The following SDK1 variants were observed in gnomAD, a reference collection of about 807,000 sequenced individuals.
SDK1 encodes the protein sidekick cell adhesion molecule 1.
In SDK1, 157 loss-of-function variants were observed where a neutral mutation model predicts 245.5. That is an observed-to-expected ratio of 0.64 (90% CI 0.56 to 0.73). The LOEUF (loss-of-function observed/expected upper bound fraction) is 0.73. SDK1 is among the 30% of genes least tolerant of loss of function. SDK1 has a pLI of 0.00. For missense variants in SDK1, 3,583 were observed against 3,002.3 expected, an observed-to-expected ratio of 1.19 and a Z score of -4.52; for synonymous variants, 1,647 against 1,278.5, an observed-to-expected ratio of 1.29 and a Z score of -6.15.
At chr7:3,663,403 G>A (rs1170423543) in intron 4 of SDK1, among the ~76,000 whole-genome samples, 1 of 152,174 alleles carries the variant, frequency 6.6e-6, no homozygotes, top group African/African-American at 2.4e-5. Context: ...AAATATATAG[G>A]GAAGTGGGAT....
At chr7:3,519,131 A>C (rs985734278) in intron 1 of SDK1, among the ~76,000 whole-genome samples, 1 of 152,122 alleles carries the variant, frequency 6.6e-6, no homozygotes, top group Admixed American at 6.6e-5. Context: ...AACAGAGAAT[A>C]GGAGGGTTGA....
chr7:3,824,586 C>G (rs1161728858), intron 5 of SDK1, among the ~76,000 whole-genome samples: 1 of 152,142 alleles, frequency 6.6e-6, no homozygotes, highest in Non-Finnish European at 1.5e-5. Context: ...GGAGCGGCAA[C>G]CAGGTCTAGC....
In SDK1 at chr7:4,077,047, G is replaced by A. The variant is rs189566875; in HGVS notation, c.3060G>A (p.Thr1020=). ...EVYGRNDSRL[T]HTLNSTTHEY... The stretch of plus-strand genomic sequence containing the variant: ...ACGGCAGGAACGACTCTCGTCTCAC[G>A]CACACCCTGAACAGCACGACGCACG... Residue 1020 remains threonine, a synonymous_variant, in exon 21 of 45, where the codon ACG becomes ACA. Coordinates refer to ENST00000404826, the MANE Select transcript of SDK1 (RefSeq NM_152744.4). 64 of 1,614,090 alleles carry A rather than the reference G, an allele frequency of 4.0e-5. No individual in the cohort carries two copies. The highest frequency in any genetic ancestry group is 3.3e-4 in the East Asian group (15 of 44,874).
At chr7:3,464,876 G>T (rs1305379515) in intron 1 of SDK1, among the ~76,000 whole-genome samples, 1 of 152,038 alleles carries the variant, frequency 6.6e-6, no homozygotes, top group African/African-American at 2.4e-5. Context: ...TGTTAAATTT[G>T]TCCTTGGGAA....
intron 1 of SDK1, among the ~76,000 whole-genome samples, chr7:3,473,201 G>A (rs2128599154): frequency 6.6e-6 from 1 of 152,280 alleles, no homozygotes; most frequent in South Asian, 2.1e-4. Context: ...ATTTACAAGA[G>A]TAAATGGAGC....
chr7:3,983,014 G>C (rs1003237112), intron 13 of SDK1, among the ~76,000 whole-genome samples: 1 of 152,128 alleles, frequency 6.6e-6, no homozygotes, highest in African/African-American at 2.4e-5. Flanking sequence ...TAGAATTAGA[G>C]GTGGATCCTG....
At chr7:3,315,837 G>A (rs1317946386) in intron 1 of SDK1, among the ~76,000 whole-genome samples, 2 of 152,144 alleles carry the variant, frequency 1.3e-5, no homozygotes, top group African/African-American at 4.8e-5. Flanking sequence ...TTGTTTGTTT[G>A]TTTCCTATTT....
chr7:3,689,636 G>A (rs1235316082), intron 4 of SDK1, among the ~76,000 whole-genome samples: 1 of 152,184 alleles, frequency 6.6e-6, no homozygotes, highest in African/African-American at 2.4e-5. Flanking sequence ...GTGAAATTTT[G>A]AACAAATTAT....
intron 1 of SDK1, among the ~76,000 whole-genome samples, chr7:3,303,837 C>A (rs1414474847): frequency 1.3e-5 from 2 of 152,196 alleles, no homozygotes; most frequent in East Asian, 3.9e-4. Flanking sequence ...AATGAAAATT[C>A]TGGTGCTGTT....
chr7:4,222,008 G>A (rs1785176368), intron 40 of SDK1, among the ~76,000 whole-genome samples: 2 of 152,162 alleles, frequency 1.3e-5, no homozygotes, highest in South Asian at 2.1e-4. Context: ...GCACGGAACA[G>A]CTCCAATATG....
intron 4 of SDK1, among the ~76,000 whole-genome samples, chr7:3,795,106 A>G (rs1172503090): frequency 2.6e-5 from 4 of 152,148 alleles, no homozygotes; most frequent in African/African-American, 7.2e-5. Context: ...AGCCTCAGTG[A>G]GGGCAAGTAG....
intron 4 of SDK1, among the ~76,000 whole-genome samples, chr7:3,671,681 A>G (rs750821): frequency 0.37 from 55,980 of 152,058 alleles, 11,309 homozygotes; most frequent in African/African-American, 0.53. Context: ...AACACTTTTC[A>G]TTGTAGATGT....
chr7:3,762,508 C>G (rs1431891098), intron 4 of SDK1, among the ~76,000 whole-genome samples: 1 of 152,244 alleles, frequency 6.6e-6, no homozygotes, highest in Non-Finnish European at 1.5e-5. Flanking sequence ...TTCACCGATA[C>G]TTGCTGCAAA....
chr7:4,004,677 G>C (rs921822296), intron 14 of SDK1, among the ~76,000 whole-genome samples: 1 of 152,116 alleles, frequency 6.6e-6, no homozygotes, highest in African/African-American at 2.4e-5. Flanking sequence ...CCTTTTGCTA[G>C]AGTGTTTTAA....
intron 17 of SDK1, among the ~76,000 whole-genome samples, chr7:4,032,786 T>TA (rs2128159241): frequency 6.6e-6 from 1 of 152,154 alleles, no homozygotes; most frequent in South Asian, 2.1e-4. Context: ...AGCAAACACA[T>TA]ACGAAGAAAA....
chr7:4,123,940 C>A (rs1193878085), intron 25 of SDK1, among the ~76,000 whole-genome samples: 2 of 152,240 alleles, frequency 1.3e-5, no homozygotes, highest in African/African-American at 2.4e-5. Flanking sequence ...GGGCAGGCAT[C>A]CCAGGCCTTT....
At chr7:3,978,557 C>T (rs1353177398) in intron 13 of SDK1, among the ~76,000 whole-genome samples, 4 of 152,198 alleles carry the variant, frequency 2.6e-5, no homozygotes, top group African/African-American at 7.2e-5. Flanking sequence ...GCTCCTCTAT[C>T]CCAAACCTGG....
intron 4 of SDK1, among the ~76,000 whole-genome samples, chr7:3,680,760 A>G (rs1240600015): frequency 2.6e-5 from 4 of 152,220 alleles, no homozygotes; most frequent in African/African-American, 9.6e-5. Context: ...TTGTCTCCAG[A>G]TGCAACTCCT....
At chr7:3,567,260 C>T (rs1263077695) in intron 1 of SDK1, among the ~76,000 whole-genome samples, 6 of 152,142 alleles carry the variant, frequency 3.9e-5, no homozygotes, top group Non-Finnish European at 7.3e-5. Context: ...AGGTATTTAT[C>T]CTCCATTCCT....
Sources: allele counts gnomAD v4.1 joint callset (sites outside exome capture counted in the v4.1 genomes callset), GRCh38; gene constraint gnomAD v4.1.1; transcripts MANE v1.5; gene names NCBI Gene and HGNC (gene_info 2026-07-23, HGNC 2026-07-21).